Variants in DSTYK observed in about 807,000 individuals in gnomAD.
DSTYK encodes the protein dual serine/threonine and tyrosine protein kinase.
Under a neutral mutation model 98.7 loss-of-function variants are expected in DSTYK, and 34 were observed. The observed-to-expected ratio is 0.34, with a 90% confidence interval of 0.26 to 0.46. The LOEUF (loss-of-function observed/expected upper bound fraction) is 0.46. Ranked by LOEUF, DSTYK falls within the 20% of genes least tolerant of loss-of-function variation. DSTYK has a pLI of 1.00. For missense variants in DSTYK, 962 were observed against 1,181.7 expected (o/e 0.81, Z 2.73); for synonymous variants, 462 against 457.3 (o/e 1.01, Z -0.13).
Position 205,150,657 on chromosome 1 carries a change from C to T in DSTYK, c.2467+23G>A. The T allele has an allele frequency of 6.3e-7, 1 of 1,582,722 alleles. No homozygotes were observed. Among genetic ancestry groups the T allele is most frequent in the South Asian group, 1.1e-5 (1 of 90,408 alleles). ...TAAAGTAGTACGCCCTGCCCAGACC[C>T]ACTGCCTGCCCTCCAGCCTTACCTG... On this transcript the variant is annotated intron_variant, in intron 11 of 12. Coordinates refer to ENST00000367162, the MANE Select transcript of DSTYK (RefSeq NM_015375.3). The surrounding 1 kb of genome is among the most constrained non-coding windows in gnomAD (Gnocchi z 4.1).
chr1:205,170,259 T>C (rs956013420), intron 2 of DSTYK, among the ~76,000 whole-genome samples: 1 of 152,152 alleles, frequency 6.6e-6, no homozygotes. Flanking sequence ...GACACCTCCA[T>C]CCCTGCCATT....
At position 205,160,162 on chromosome 1, in the gene DSTYK, G is replaced by A; in HGVS notation, c.2057C>T (p.Pro686Leu). Residue 686 changes from proline (P) to leucine (L), a missense_variant, in exon 8 of 13, where the codon CCA (proline) becomes CTA (leucine). By Grantham distance (98) the Pro-to-Leu change is moderately conservative. Coordinates refer to ENST00000367162, the MANE Select transcript of DSTYK (RefSeq NM_015375.3). ...FPCALKSVVPPDEKHWNDLAL... is the reference protein window; with the variant it reads ...FPCALKSVVPLDEKHWNDLAL... ...CAGATCATTCCAGTGCTTCTCATCT[G>A]GAGGGACAACTGATTTGAGGGCACA... The A allele has an allele frequency of 1.2e-6, 2 of 1,614,156 alleles. No individual in the cohort carries two copies. The highest frequency in any genetic ancestry group is 1.7e-6 in the Non-Finnish European group (2 of 1,180,024).
At chr1:205,172,246 C>T (rs1010285992) in intron 2 of DSTYK, among the ~76,000 whole-genome samples, 2 of 149,262 alleles carry the variant, frequency 1.3e-5, no homozygotes, top group Non-Finnish European at 3.0e-5. Context: ...TGTGAGCCAC[C>T]ACACCCAGCA....
rs753752490 is a variant in DSTYK at position 205,163,009 on chromosome 1, G to A, written c.1558-3C>T. ...ACATGATAGGCAGCATTTAAGATCT[G>A]AAAGAGACAACGCCAAAGAAAACAT... On this transcript the variant is annotated splice_polypyrimidine_tract_variant and splice_region_variant and intron_variant, in intron 4 of 12. Transcript: ENST00000367162. The A allele has an allele frequency of 1.9e-6, 3 of 1,613,414 alleles. No individual in the cohort carries two copies. The highest frequency in any genetic ancestry group is 2.2e-5 in the East Asian group (1 of 44,872).
At chr1:205,160,335 A>ATT in intron 7 of DSTYK, 65 bp from the exon 8 acceptor site, 1 of 1,322,752 alleles carries the variant, frequency 7.6e-7, no homozygotes, top group Non-Finnish European at 1.1e-6. Context: ...CCTCTGTAAG[A>ATT]TTCTTTTTTT....
Position 205,161,342 on chromosome 1 carries a change from A to G in DSTYK, c.1864T>C (p.Trp622Arg), listed in dbSNP as rs1218322474. 2 of 1,614,212 alleles carry G rather than the reference A, an allele frequency of 1.2e-6. No homozygotes were observed. Among genetic ancestry groups the G allele is most frequent in the East Asian group, 2.2e-5 (1 of 44,884 alleles). The change falls in exon 7 of 13, where the codon TGG becomes CGG. Residue 622 changes from tryptophan (W) to arginine (R), a missense_variant. Trp to Arg is a moderately radical substitution (Grantham distance 101). Coordinates refer to ENST00000367162, the MANE Select transcript of DSTYK (RefSeq NM_015375.3). ...GCATGATCTTTCCGAACCCTCAGCC[A>G]TAGATCTTCCGTTTTCTCTAACCGG... is the stretch of plus-strand genomic sequence containing the variant. ...SGRLEKTEDL[W>R]LRVRKDHAPR...
intron 2 of DSTYK, among the ~76,000 whole-genome samples, chr1:205,172,031 C>T (rs1165045038): frequency 6.6e-6 from 1 of 152,222 alleles, no homozygotes; most frequent in African/African-American, 2.4e-5. Context: ...GCTCGGCTCA[C>T]TGCAACCTCT....
At chr1:205,210,585 C>A (rs556481197) in intron 1 of DSTYK, among the ~76,000 whole-genome samples, 56 of 152,196 alleles carry the variant, frequency 3.7e-4, no homozygotes, top group Non-Finnish European at 6.9e-4. Flanking sequence ...AAGAATCATG[C>A]AAGAAAGAAC....
chr1:205,147,946 G>T (rs532790711), intron 12 of DSTYK, among the ~76,000 whole-genome samples: 18 of 151,716 alleles, frequency 1.2e-4, no homozygotes, highest in Non-Finnish European at 2.5e-4. Context: ...AAAAAGAAAA[G>T]AAAAACTGGA....
Position 205,147,294 on chromosome 1 carries a change from A to C in DSTYK, c.*264T>G, listed in dbSNP as rs889306021. 8.9e-6 allele frequency: 3 copies of C among 336,022 alleles called. No individual in the cohort carries two copies. Among genetic ancestry groups the C allele is most frequent in the Admixed American group, 4.1e-5 (1 of 24,300 alleles). The allele number at this position is 336,022 out of a possible 1,614,324, so 20.8% of individuals were successfully genotyped here. On this transcript the variant is annotated 3_prime_UTR_variant, in exon 13 of 13. Transcript: ENST00000367162. Reference sequence around the variant, plus strand: ...TCCTTTTCATTTGTGAAGCCAGAACACCACATTCCTCAGCTTTTACACATC... The same window carrying C: ...TCCTTTTCATTTGTGAAGCCAGAACCCCACATTCCTCAGCTTTTACACATC...
chr1:205,161,884 A>ATG (rs1034168869), intron 6 of DSTYK, 152 bp downstream of exon 6: 33 of 639,190 alleles, frequency 5.2e-5, no homozygotes, highest in Middle Eastern at 4.5e-4. Flanking sequence ...TAATATACAT[A>ATG]TGTGTGTGTG....
chr1:205,182,498 TAAAAAAAAAAAAA>T (rs386369411), intron 2 of DSTYK, among the ~76,000 whole-genome samples: 2 of 77,752 alleles, frequency 2.6e-5, no homozygotes, highest in East Asian at 4.3e-4. Context: ...TTAAAAACGG[TAAAAAAAAAAAAA>T]AAAAAAAAAA....
chr1:205,157,172 T>G, intron 10 of DSTYK, 101 bp downstream of exon 10: 1 of 930,252 alleles, frequency 1.1e-6, no homozygotes, highest in African/African-American at 1.6e-5. Context: ...ACACTTTCTG[T>G]GAGGACTTTT....
Position 205,150,779 on chromosome 1 carries a change from G to A in DSTYK, c.2368C>T (p.Arg790Cys), listed in dbSNP as rs773130126. 1.3e-5 allele frequency: 21 copies of A among 1,613,934 alleles called. No individual in the cohort carries two copies. Among genetic ancestry groups the A allele is most frequent in the South Asian group, 2.2e-5 (2 of 91,082 alleles). The change falls in exon 11 of 13, where the codon CGT becomes TGT. Residue 790 changes from arginine to cysteine, a missense_variant. Transcript: ENST00000367162. The surrounding 1 kb of genome is among the most constrained non-coding windows in gnomAD (Gnocchi z 4.1). ...AATCCTAAGTCAGTGATCTTGGCAC[G>A]GTTCTGCTTATCCAGCTGCCAACAA... ...LKNVLLDKQN[R>C]AKITDLGFCK...
chr1:205,171,681 G>A (rs1032184972), intron 2 of DSTYK, among the ~76,000 whole-genome samples: 23 of 152,104 alleles, frequency 1.5e-4, no homozygotes, highest in African/African-American at 5.1e-4. Context: ...AGGTGTAAAC[G>A]GTTAACTAGG....
At chr1:205,203,286 C>T (rs1484044536) in intron 1 of DSTYK, among the ~76,000 whole-genome samples, 1 of 149,448 alleles carries the variant, frequency 6.7e-6, no homozygotes, top group Non-Finnish European at 1.5e-5. Flanking sequence ...AGTTCAACAT[C>T]AGCCTGGCCA....
chr1:205,164,237 G>C (rs1312376363), intron 3 of DSTYK, among the ~76,000 whole-genome samples: 1 of 152,080 alleles, frequency 6.6e-6, no homozygotes, highest in Non-Finnish European at 1.5e-5. Context: ...AGGATTGCTT[G>C]AGCCCAGGAG....
intron 1 of DSTYK, among the ~76,000 whole-genome samples, chr1:205,189,162 C>CA (rs1292956594): frequency 6.7e-6 from 1 of 148,776 alleles, no homozygotes; most frequent in Non-Finnish European, 1.5e-5. Context: ...CAAAAAAAAA[C>CA]AAAAAAAACT....
intron 1 of DSTYK, chr1:205,202,401 G>A: frequency 1.3e-6 from 1 of 741,226 alleles, no homozygotes; most frequent in Admixed American, 1.7e-5. Context: ...TGGTTGGTGT[G>A]CCCAGGCCAA....
Sources: gnomAD v4.1 joint callset for allele counts (sites outside exome capture counted in the v4.1 genomes callset) on GRCh38, gnomAD v4.1.1 for gene constraint, Gnocchi (gnomAD v3.1) non-coding constraint, MANE v1.5 for transcripts, NCBI Gene and HGNC (gene_info 2026-07-23, HGNC 2026-07-21) for gene names.